The following RNF115 variants were observed in gnomAD, a reference collection of about 807,000 sequenced individuals.
RNF115 encodes ring finger protein 115, also known as E3 ubiquitin-protein ligase RNF115.
A neutral mutation model predicts 39.2 loss-of-function variants in RNF115; 31 were observed. That is an observed-to-expected ratio of 0.79 (90% CI 0.59 to 1.07). The LOEUF (loss-of-function observed/expected upper bound fraction) is 1.07, where lower values mean the gene tolerates loss of function less well. RNF115 is among the 50% of genes least tolerant of loss of function. RNF115 has a pLI of 0.00. For missense variants in RNF115, 384 were observed against 381.7 expected (o/e 1.01, Z -0.05); for synonymous variants, 124 against 131.0 (o/e 0.95, Z 0.37).
intron 1 of RNF115, among the ~76,000 whole-genome samples, chr1:145,808,651 A>T (rs1649563716): frequency 6.6e-6 from 1 of 152,204 alleles, no homozygotes; most frequent in Non-Finnish European, 1.5e-5. Context: ...TAAATGTACC[A>T]TTATAAATAG....
chr1:145,791,350 TAA>T (rs144482903), intron 1 of RNF115, among the ~76,000 whole-genome samples: 2 of 139,682 alleles, frequency 1.4e-5, no homozygotes, highest in Non-Finnish European at 1.5e-5. Flanking sequence ...CATCTCTACT[TAA>T]AAAAAAAAAA....
At chr1:145,756,801 C>G (rs889858002) in intron 4 of RNF115, among the ~76,000 whole-genome samples, 32 of 31,334 alleles carry the variant, frequency 1.0e-3, no homozygotes, top group Admixed American at 4.8e-3. Flanking sequence ...TTTCTTCTGT[C>G]TTCTGTGTTC....
chr1:145,793,761 A>T (rs1648796249), intron 1 of RNF115, among the ~76,000 whole-genome samples: 1 of 151,674 alleles, frequency 6.6e-6, no homozygotes, highest in Admixed American at 6.6e-5. Flanking sequence ...CATTTCCCAC[A>T]TCTACATACT....
intron 1 of RNF115, among the ~76,000 whole-genome samples, chr1:145,819,209 G>T (rs1343174416): frequency 6.7e-6 from 1 of 148,974 alleles, no homozygotes; most frequent in East Asian, 2.0e-4. Context: ...GCAAAGGCAG[G>T]CGGATCGCTT....
intron 3 of RNF115, among the ~76,000 whole-genome samples, chr1:145,779,126 A>T (rs1648008895): frequency 6.6e-6 from 1 of 152,140 alleles, no homozygotes; most frequent in Non-Finnish European, 1.5e-5. Flanking sequence ...CTAACACAGG[A>T]TAATAGTTTA....
intron 1 of RNF115, 38 bp from the exon 2 acceptor site, chr1:145,789,004 T>C (rs1648518962): frequency 6.0e-6 from 8 of 1,332,402 alleles, no homozygotes; most frequent in Non-Finnish European, 7.5e-6. Context: ...AACTTTTTCA[T>C]TAGAAAGCTA....
At chr1:145,771,568 A>G (rs1406583331) in intron 4 of RNF115, 143 bp downstream of exon 4, 14 of 656,428 alleles carry the variant, frequency 2.1e-5, no homozygotes, top group Non-Finnish European at 3.6e-5. Context: ...CTAACATTCA[A>G]TTTAGCTTCA....
At chr1:145,816,522 ATAAAG>A (rs1237712229) in intron 1 of RNF115, among the ~76,000 whole-genome samples, 1 of 102,304 alleles carries the variant, frequency 9.8e-6, no homozygotes, top group African/African-American at 3.1e-5. Context: ...AGGTGAAATA[ATAAAG>A]TAATTAAATT....
At chr1:145,780,687 A>T (rs146948417) in intron 3 of RNF115, among the ~76,000 whole-genome samples, 2 of 152,176 alleles carry the variant, frequency 1.3e-5, no homozygotes, top group East Asian at 3.9e-4. Flanking sequence ...CTGCCACTAT[A>T]ATGCTGCTTA....
chr1:145,793,687 G>C (rs915845646), intron 1 of RNF115, among the ~76,000 whole-genome samples: 6 of 151,712 alleles, frequency 4.0e-5, no homozygotes, highest in African/African-American at 1.5e-4. Flanking sequence ...AGAAACCCGG[G>C]GGTCATTCAT....
chr1:145,748,835 G>C (rs1657973527), intron 7 of RNF115, among the ~76,000 whole-genome samples: 1 of 150,228 alleles, frequency 6.7e-6, no homozygotes, highest in Non-Finnish European at 1.5e-5. Flanking sequence ...AGAGAGCCAA[G>C]ATTGCGCCAC....
At chr1:145,797,250 A>G (rs1182569918) in intron 1 of RNF115, among the ~76,000 whole-genome samples, 1 of 152,150 alleles carries the variant, frequency 6.6e-6, no homozygotes, top group African/African-American at 2.4e-5. Context: ...TGGATTTGAG[A>G]CTGAGTTACC....
At chr1:145,797,745 T>C (rs1649046954) in intron 1 of RNF115, among the ~76,000 whole-genome samples, 2 of 152,182 alleles carry the variant, frequency 1.3e-5, no homozygotes, top group African/African-American at 2.4e-5. Flanking sequence ...AGTTGCACCA[T>C]TTTACAGTCC....
intron 1 of RNF115, among the ~76,000 whole-genome samples, chr1:145,795,297 G>A (rs1299360949): frequency 6.6e-6 from 1 of 152,104 alleles, no homozygotes; most frequent in Non-Finnish European, 1.5e-5. Context: ...CAAAGAGTGA[G>A]CAGCAGCAAG....
intron 4 of RNF115, among the ~76,000 whole-genome samples, chr1:145,767,865 C>CG (rs1291103643): frequency 6.6e-6 from 1 of 152,222 alleles, no homozygotes; most frequent in Non-Finnish European, 1.5e-5. Context: ...CGCAGGCACT[C>CG]GGCAGGCTGA....
At chr1:145,764,847 G>A (rs945490726) in intron 4 of RNF115, among the ~76,000 whole-genome samples, 67 of 149,534 alleles carry the variant, frequency 4.5e-4, no homozygotes, top group Admixed American at 2.2e-3. Context: ...GGAGGTGGGG[G>A]GTGCCTCTGC....
intron 1 of RNF115, among the ~76,000 whole-genome samples, chr1:145,821,457 CTTTTTTTTTTTT>C (rs1172613737): frequency 5.1e-4 from 24 of 47,496 alleles, no homozygotes; most frequent in African/African-American, 1.2e-3. Context: ...TCTTCTCACT[CTTTTTTTTTTTT>C]TTTTTTTTTT....
chr1:145,780,430 C>T (rs1019869700), intron 3 of RNF115, among the ~76,000 whole-genome samples: 1 of 151,968 alleles, frequency 6.6e-6, no homozygotes, highest in East Asian at 1.9e-4. Flanking sequence ...ACCATCCTGG[C>T]TAACACGGTG....
At chr1:145,785,785 A>G (rs1373445848) in intron 2 of RNF115, among the ~76,000 whole-genome samples, 1 of 152,242 alleles carries the variant, frequency 6.6e-6, no homozygotes, top group African/African-American at 2.4e-5. Context: ...CTCTTTATGC[A>G]ACCATTCTCA....
Sources: gnomAD v4.1 joint callset for allele counts (sites outside exome capture counted in the v4.1 genomes callset) on GRCh38, gnomAD v4.1.1 for gene constraint, MANE v1.5 for transcripts, NCBI Gene and HGNC (gene_info 2026-07-23, HGNC 2026-07-21) for gene names.